Variants in OSBPL5 observed in about 807,000 individuals in gnomAD.
The protein encoded by OSBPL5 is oxysterol-binding protein-related protein 5.
In OSBPL5, 71 loss-of-function variants were observed where a neutral mutation model predicts 111.2. That is an observed-to-expected ratio of 0.64 (90% confidence interval 0.53 to 0.78). The LOEUF is 0.78. Ranked by LOEUF, OSBPL5 falls within the 30% of genes least tolerant of loss-of-function variation. OSBPL5 has a pLI of 0.00. For synonymous variants in OSBPL5, 549 were observed against 513.9 expected (o/e 1.07, Z -0.93); for missense variants, 1,210 against 1,189.3 (o/e 1.02, Z -0.26).
At chr11:3,093,170 C>T in intron 17 of OSBPL5, 118 bp from the exon 18 acceptor site, 5 of 1,087,348 alleles carry the variant, frequency 4.6e-6, no homozygotes, top group Non-Finnish European at 6.4e-6. Context: ...GCGTGATTGC[C>T]TACAGTGACA....
In OSBPL5 at chr11:3,103,837, TCTGCAGCCCCTTTCCA is replaced by T. The variant is rs1590651653; in HGVS notation, c.1244+340_1244+355del. ...CTGCCTGCGCAGCCCCCTTCCAGCC[TCTGCAGCCCCTTTCCA>T]GTCTGCGCAGCCCCCTTCCTGCCTC... On this transcript the variant is annotated intron_variant, in intron 10 of 21. Transcript: ENST00000263650. Among the ~76,000 whole-genome samples, 313 of 80,412 alleles carry T rather than the reference TCTGCAGCCCCTTTCCA, an allele frequency of 3.9e-3. 10 individuals carry two copies. Among genetic ancestry groups the T allele is most frequent in the South Asian group, 0.011 (28 of 2,444 alleles). The allele number at this position is 80,412 out of a possible 152,430, so 52.8% of individuals were successfully genotyped here.
chr11:3,097,046 A>G (rs776330884), intron 14 of OSBPL5, among the ~76,000 whole-genome samples: 126 of 680 alleles, frequency 0.19, 5 homozygotes, highest in Middle Eastern at 0.25. Flanking sequence ...GAGGGAAGAC[A>G]GGAGAAGGAG....
At chr11:3,128,349 C>A (rs1042207721) in intron 2 of OSBPL5, among the ~76,000 whole-genome samples, 1 of 152,204 alleles carries the variant, frequency 6.6e-6, no homozygotes, top group South Asian at 2.1e-4. Context: ...CCTGCCCCTA[C>A]CTCCTACTCT....
At position 3,141,813 on chromosome 11, in the gene OSBPL5, G is replaced by A. The variant is rs891952780; in HGVS notation, c.-21-12644C>T. On this transcript the variant is annotated intron_variant, in intron 1 of 21. Coordinates refer to ENST00000263650, the MANE Select transcript of OSBPL5 (RefSeq NM_020896.4). This position sits in a 1 kb window ranked among gnomAD's most constrained non-coding sequence, Gnocchi z 6.5. The stretch of plus-strand genomic sequence containing the variant: ...CCACCCGCCTCCCACCCAGTGCAGG[G>A]ACTGGGAGGACTCTACGCCCTGGAA... Among the ~76,000 whole-genome samples the A allele has an allele frequency of 6.6e-6, 1 of 150,696 alleles. No individual in the cohort carries two copies. Among genetic ancestry groups the A allele is most frequent in the African/African-American group, 2.4e-5 (1 of 40,832 alleles).
intron 1 of OSBPL5, among the ~76,000 whole-genome samples, chr11:3,147,411 G>A (rs1846393177): frequency 1.3e-5 from 2 of 152,258 alleles, no homozygotes; most frequent in Admixed American, 6.5e-5. Flanking sequence ...CCGCAGCCGA[G>A]GCCAGCCCAT....
intron 7 of OSBPL5, among the ~76,000 whole-genome samples, chr11:3,118,958 A>G (rs1207841869): frequency 6.6e-6 from 1 of 151,200 alleles, no homozygotes; most frequent in Non-Finnish European, 1.5e-5. Context: ...TAATTGTTAT[A>G]TGGGTGCTTT....
At chr11:3,101,456 C>G in intron 13 of OSBPL5, 147 bp downstream of exon 13, 1 of 757,312 alleles carries the variant, frequency 1.3e-6, no homozygotes, top group Non-Finnish European at 2.1e-6. Flanking sequence ...GTCTCAGCAC[C>G]TGACCACCAC....
At position 3,129,035 on chromosome 11, in the gene OSBPL5, A is replaced by C; in HGVS notation, c.114T>G (p.Asn38Lys). Residue 38 changes from asparagine (N) to lysine (K), a missense_variant, in exon 2 of 22, where the codon AAT (asparagine) becomes AAG (lysine). Transcript: ENST00000263650. ...LTRNLLLSGD[N>K]ELYPLSPGKD... Reference sequence around the variant, plus strand: ...TACCTGGGCTGAGTGGGTAGAGCTCATTGTCTCCGCTGAGGAGCAAGTTCC... The same window carrying C: ...TACCTGGGCTGAGTGGGTAGAGCTCCTTGTCTCCGCTGAGGAGCAAGTTCC... 1 of 1,586,748 alleles carries C rather than the reference A, an allele frequency of 6.3e-7. No individual in the cohort carries two copies. Among genetic ancestry groups the C allele is most frequent in the Non-Finnish European group, 8.6e-7 (1 of 1,167,474 alleles).
chr11:3,110,272 T>C lies in OSBPL5; in HGVS notation c.692-2327A>G. Among the ~76,000 whole-genome samples the C allele has an allele frequency of 6.6e-6, 1 of 151,904 alleles. No homozygotes were observed. Among genetic ancestry groups the C allele is most frequent in the East Asian group, 1.9e-4 (1 of 5,168 alleles). On this transcript the variant is annotated intron_variant, in intron 7 of 21. Coordinates refer to ENST00000263650, the MANE Select transcript of OSBPL5 (RefSeq NM_020896.4). This position sits in a 1 kb window ranked among gnomAD's most constrained non-coding sequence, Gnocchi z 5.3. ...GGCATCACCCTGGGGTTAGAGGAGG[T>C]GGAGCAACCGCATTTACCCAGAGCA...
Position 3,130,315 on chromosome 11 carries a change from G to A in OSBPL5, c.-21-1146C>T, listed in dbSNP as rs1218878307. Among the ~76,000 whole-genome samples, 1 of 152,208 alleles carries A rather than the reference G, an allele frequency of 6.6e-6. No homozygotes were observed. Among genetic ancestry groups the A allele is most frequent in the Non-Finnish European group, 1.5e-5 (1 of 68,038 alleles). ...ATTTTCCTCCTTTCCCAATTTTCTG[G>A]GGCTGCTTCCTGCTGCCTCAGGGCA... On this transcript the variant is annotated intron_variant, in intron 1 of 21. Coordinates refer to ENST00000263650, the MANE Select transcript of OSBPL5 (RefSeq NM_020896.4). The surrounding 1 kb of genome is among the most constrained non-coding windows in gnomAD (Gnocchi z 4.5).
chr11:3,112,369 G>A (rs1404760521), intron 7 of OSBPL5, among the ~76,000 whole-genome samples: 1 of 152,094 alleles, frequency 6.6e-6, no homozygotes, highest in Non-Finnish European at 1.5e-5. Context: ...CCCCTTGGGG[G>A]AGAAACTTGT....
chr11:3,089,433 C>A (rs891248900), intron 21 of OSBPL5, among the ~76,000 whole-genome samples: 1 of 152,180 alleles, frequency 6.6e-6, no homozygotes, highest in Non-Finnish European at 1.5e-5. Flanking sequence ...TCGGCCACTC[C>A]CATTTGCTCC....
Position 3,141,366 on chromosome 11 carries a change from T to C in OSBPL5, c.-21-12197A>G, listed in dbSNP as rs1056019693. Among the ~76,000 whole-genome samples, 2 of 151,976 alleles carry C rather than the reference T, an allele frequency of 1.3e-5. No individual in the cohort carries two copies. Among genetic ancestry groups the C allele is most frequent in the African/African-American group, 4.8e-5 (2 of 41,386 alleles). ...TCTGCATAGTGGGAAGGACGTGGAT[T>C]CTAGAAACCCCTCCTGCCCCAGCAG... On this transcript the variant is annotated intron_variant, in intron 1 of 21. Coordinates refer to ENST00000263650, the MANE Select transcript of OSBPL5 (RefSeq NM_020896.4). The surrounding 1 kb of genome is among the most constrained non-coding windows in gnomAD (Gnocchi z 6.5).
At position 3,090,406 on chromosome 11, in the gene OSBPL5, T is replaced by G. The variant is rs1040020913; in HGVS notation, c.2398+152A>C. 2.0e-5 allele frequency: 21 copies of G among 1,036,958 alleles called. No homozygotes were observed. The Admixed American group carries it at 5.1e-4, about 25-fold the overall frequency. The allele number at this position is 1,036,958 out of a possible 1,614,324, so 64.2% of individuals were successfully genotyped here. On this transcript the variant is annotated intron_variant, in intron 20 of 21. Transcript: ENST00000263650. Reference sequence around the variant, plus strand: ...TCCCAGACTCTGAGAGGGCAGAGCCTGCTGGGGGGCCCCTCAGGGCAGCAG... The same window carrying G: ...TCCCAGACTCTGAGAGGGCAGAGCCGGCTGGGGGGCCCCTCAGGGCAGCAG...
rs1388701289 is a variant in OSBPL5 at position 3,140,065 on chromosome 11, G to C, written c.-21-10896C>G. ...CTGCTCGGCTGTGCAGCCTGGGAGG[G>C]GGGTGTGCAGTGGTCCGCCAAGCAG... On this transcript the variant is annotated intron_variant, in intron 1 of 21. Coordinates refer to ENST00000263650, the MANE Select transcript of OSBPL5 (RefSeq NM_020896.4). This position sits in a 1 kb window ranked among gnomAD's most constrained non-coding sequence, Gnocchi z 4.5. 3.9e-5 allele frequency among the ~76,000 whole-genome samples: 6 copies of C among 152,356 alleles called. No homozygotes were observed. In the East Asian group the frequency reaches 1.2e-3, roughly 29 times the overall value.
rs752183600 is a variant in OSBPL5, at chr11:3,122,419, T to C, written c.229A>G (p.Arg77Gly). 5 of 1,613,724 alleles carry C rather than the reference T, an allele frequency of 3.1e-6. No homozygotes were observed. Among genetic ancestry groups the C allele is most frequent in the South Asian group, 1.1e-5 (1 of 90,996 alleles). Reference sequence around the variant, plus strand: ...TCCTTGTCTGACCCGTTGCACAGCCTGTACTCTGCCTGAAAGAGAGAGGTG... The same window carrying C: ...TCCTTGTCTGACCCGTTGCACAGCCCGTACTCTGCCTGAAAGAGAGAGGTG... ...SATKVPPAEY[R>G]LCNGSDKECV... The change falls in exon 4 of 22, where the codon AGG (arginine) becomes GGG (glycine). Residue 77 changes from arginine (R) to glycine (G), a missense_variant. Arg to Gly is a moderately radical substitution (Grantham distance 125). Transcript: ENST00000263650.
chr11:3,120,751 C>A, intron 5 of OSBPL5, 127 bp from the exon 6 acceptor site: 3 of 939,892 alleles, frequency 3.2e-6, no homozygotes, highest in South Asian at 3.1e-5. Flanking sequence ...CCCTCCCTCA[C>A]TCCCCCACAC....
intron 1 of OSBPL5, among the ~76,000 whole-genome samples, chr11:3,131,161 G>A (rs1050136577): frequency 6.6e-6 from 1 of 152,116 alleles, no homozygotes; most frequent in Non-Finnish European, 1.5e-5. Flanking sequence ...AAAGGCCATA[G>A]GGGATCTTGG....
chr11:3,107,338 G>A lies in OSBPL5; in HGVS notation c.984C>T (p.Asp328=). The A allele has an allele frequency of 5.6e-6, 9 of 1,613,948 alleles. No individual in the cohort carries two copies. Among genetic ancestry groups the A allele is most frequent in the Non-Finnish European group, 6.8e-6 (8 of 1,179,966 alleles). Residue 328 remains aspartate, a synonymous_variant, in exon 9 of 22, where the codon GAC becomes GAT. Transcript: ENST00000263650. This position sits in a 1 kb window ranked among gnomAD's most constrained non-coding sequence, Gnocchi z 6.1. The part of the protein sequence containing the change: ...DHSRKTESGS[D]QSETPGAPVR... ...CCGGGGCCCCAGGGGTCTCTGACTGGTCGCTGCCACTCTCCGTCTTCCGGC... is the reference window on the plus strand; with the variant it reads ...CCGGGGCCCCAGGGGTCTCTGACTGATCGCTGCCACTCTCCGTCTTCCGGC...
Sources: allele counts gnomAD v4.1 joint callset (sites outside exome capture counted in the v4.1 genomes callset), GRCh38; gene constraint gnomAD v4.1.1; non-coding constraint Gnocchi (gnomAD v3.1); transcripts MANE v1.5; gene names NCBI Gene and HGNC (gene_info 2026-07-23, HGNC 2026-07-21).